The following TSGA10 variants were observed in gnomAD, a reference collection of about 807,000 sequenced individuals.
TSGA10 encodes testis-specific gene 10 protein.
Under a neutral mutation model 96.6 loss-of-function variants are expected in TSGA10, and 43 were observed. The observed-to-expected ratio is 0.44, with a 90% confidence interval of 0.35 to 0.57. TSGA10 has a LOEUF of 0.57. Ranked by LOEUF, TSGA10 falls within the 20% of genes least tolerant of loss-of-function variation. TSGA10 has a pLI of 0.01. For synonymous variants in TSGA10, 229 were observed against 269.9 expected, an observed-to-expected ratio of 0.85 and a Z score of 1.48; for missense variants, 703 against 834.4, an observed-to-expected ratio of 0.84 and a Z score of 1.94.
intron 16 of TSGA10, among the ~76,000 whole-genome samples, chr2:99,053,097 T>C (rs2083576407): frequency 6.6e-6 from 1 of 151,836 alleles, no homozygotes; most frequent in Non-Finnish European, 1.5e-5. Flanking sequence ...TTCCTGATAG[T>C]TAAGATTTAA....
rs531123919 is a variant in TSGA10, at chr2:99,015,288, C to A, written c.2072+2912G>T. ...CCAACAGCATATCAAAAAGATAATA[C>A]ACCATGACCAAGTGAGTTGCATACC... On this transcript the variant is annotated intron_variant, in intron 20 of 20. Coordinates refer to ENST00000393483, the MANE Select transcript of TSGA10 (RefSeq NM_025244.4). 4.5e-4 allele frequency among the ~76,000 whole-genome samples: 68 copies of A among 152,234 alleles called. No homozygotes were observed. In the South Asian group the frequency reaches 0.014, roughly 32 times the overall value.
chr2:99,047,438 G>A lies in TSGA10; in HGVS notation c.1405-11999C>T, dbSNP rs537986966. 2.0e-5 allele frequency among the ~76,000 whole-genome samples: 3 copies of A among 152,216 alleles called. No homozygotes were observed. The South Asian group carries it at 6.2e-4, about 32-fold the overall frequency. ...GTTCAACATATGCAAATCAATAAATGTAATCCATCACATAAACAGAACCAA... is the reference window on the plus strand; with the variant it reads ...GTTCAACATATGCAAATCAATAAATATAATCCATCACATAAACAGAACCAA... On this transcript the variant is annotated intron_variant, in intron 16 of 20. Transcript: ENST00000393483.
chr2:99,017,938 C>A (rs1389738764), intron 20 of TSGA10, among the ~76,000 whole-genome samples: 1 of 151,842 alleles, frequency 6.6e-6, no homozygotes, highest in Non-Finnish European at 1.5e-5. Context: ...AACAAAAAAC[C>A]ACCTGTTCCC....
At chr2:99,050,221 T>C (rs1272890583) in intron 16 of TSGA10, among the ~76,000 whole-genome samples, 2 of 152,088 alleles carry the variant, frequency 1.3e-5, no homozygotes, top group African/African-American at 4.8e-5. Flanking sequence ...ATTTTTCCTC[T>C]CAGGTTTTTA....
At chr2:99,072,212 T>C (rs956202775) in intron 13 of TSGA10, among the ~76,000 whole-genome samples, 1 of 152,178 alleles carries the variant, frequency 6.6e-6, no homozygotes, top group African/African-American at 2.4e-5. Flanking sequence ...ACTTAAAAAT[T>C]AATGCTTTTC....
intron 16 of TSGA10, among the ~76,000 whole-genome samples, chr2:99,037,135 A>G (rs948596105): frequency 1.3e-5 from 2 of 152,228 alleles, no homozygotes; most frequent in Non-Finnish European, 2.9e-5. Flanking sequence ...GAACAGCGTT[A>G]TCAATCAATT....
chr2:99,128,595 GACC>G (rs1266259952), intron 1 of TSGA10, among the ~76,000 whole-genome samples: 1 of 152,180 alleles, frequency 6.6e-6, no homozygotes, highest in Admixed American at 6.5e-5. Flanking sequence ...TTGGTACAGA[GACC>G]ACATGTTGAA....
intron 4 of TSGA10, among the ~76,000 whole-genome samples, chr2:99,115,964 A>G (rs2092230905): frequency 6.6e-6 from 1 of 152,200 alleles, no homozygotes; most frequent in Non-Finnish European, 1.5e-5. Flanking sequence ...ACTGCATAAA[A>G]ATACATACAA....
intron 1 of TSGA10, among the ~76,000 whole-genome samples, chr2:99,128,604 T>C (rs2092938289): frequency 6.6e-6 from 1 of 152,202 alleles, no homozygotes; most frequent in African/African-American, 2.4e-5. Flanking sequence ...AGACCACATG[T>C]TGAATCATGC....
Position 98,998,171 on chromosome 2 carries a change from A to T in TSGA10, c.*26T>A. 6.3e-7 allele frequency: 1 copy of T among 1,589,622 alleles called. No individual in the cohort carries two copies. Among genetic ancestry groups the T allele is most frequent in the African/African-American group, 1.4e-5 (1 of 73,608 alleles). On this transcript the variant is annotated 3_prime_UTR_variant, in exon 21 of 21. Transcript: ENST00000393483. ...TCAGTTTGTAACTTTGACCTTTCTC[A>T]GGGATGTGAAGAATCATTTCAGGTG...
Position 99,127,403 on chromosome 2 carries a change from T to C in TSGA10, c.-620-227A>G, listed in dbSNP as rs2092883457. On this transcript the variant is annotated intron_variant, in intron 1 of 20. Transcript: ENST00000393483. Reference sequence around the variant, plus strand: ...TGCTTTTCAAAGACATTCCCTACACTATCCTTTTGGTAATCATGGTTCTAC... The same window carrying C: ...TGCTTTTCAAAGACATTCCCTACACCATCCTTTTGGTAATCATGGTTCTAC... 7.2e-5 allele frequency among the ~76,000 whole-genome samples: 11 copies of C among 152,326 alleles called. No individual in the cohort carries two copies. The South Asian group carries it at 2.3e-3, about 32-fold the overall frequency.
intron 4 of TSGA10, among the ~76,000 whole-genome samples, chr2:99,116,093 G>T (rs969059400): frequency 6.6e-6 from 1 of 152,136 alleles, no homozygotes; most frequent in South Asian, 2.1e-4. Flanking sequence ...TACATTAAAA[G>T]AATGTTTAAG....
At chr2:99,116,639 G>A (rs962067735) in intron 4 of TSGA10, among the ~76,000 whole-genome samples, 1 of 151,086 alleles carries the variant, frequency 6.6e-6, no homozygotes, top group East Asian at 1.9e-4. Flanking sequence ...TGTAGTTCTT[G>A]AGGTGAAAAA....
At chr2:99,080,936 A>C (rs928733728) in intron 11 of TSGA10, among the ~76,000 whole-genome samples, 18 of 152,148 alleles carry the variant, frequency 1.2e-4, no homozygotes, top group Admixed American at 3.9e-4. Flanking sequence ...TACACTTTCC[A>C]CCAAAAGTAA....
chr2:99,071,867 T>G lies in TSGA10; in HGVS notation c.946A>C (p.Thr316Pro). 1 of 1,612,488 alleles carries G rather than the reference T, an allele frequency of 6.2e-7. No individual in the cohort carries two copies. Among genetic ancestry groups the G allele is most frequent in the East Asian group, 2.2e-5 (1 of 44,854 alleles). ...TGTTCACACACAATTAGGGCCTCAG[T>G]ACACTGTCTATTCCACAAATCAAAG... is the stretch of plus-strand genomic sequence containing the variant. The part of the protein sequence containing the change: ...AEMEQASRQC[T>P]EALIVCEQDV... The change falls in exon 14 of 21, where the codon ACT (threonine) becomes CCT (proline). Residue 316 changes from threonine (T) to proline (P), a missense_variant. Coordinates refer to ENST00000393483, the MANE Select transcript of TSGA10 (RefSeq NM_025244.4).
intron 11 of TSGA10, 132 bp downstream of exon 11, chr2:99,081,150 C>T (rs2087427961): frequency 2.4e-6 from 1 of 423,500 alleles, no homozygotes; most frequent in Non-Finnish European, 4.2e-6. Flanking sequence ...AATTTCTCTA[C>T]TATTTTTTAT....
chr2:99,121,392 T>C (rs1410800133), intron 2 of TSGA10, among the ~76,000 whole-genome samples: 3 of 2,018 alleles, frequency 1.5e-3, no homozygotes, highest in Non-Finnish European at 2.4e-3. Context: ...TTAATTTGCA[T>C]TCCCCTGATG....
At chr2:99,139,839 T>A (rs1206387027) in intron 1 of TSGA10, among the ~76,000 whole-genome samples, 1 of 151,934 alleles carries the variant, frequency 6.6e-6, no homozygotes, top group Non-Finnish European at 1.5e-5. Context: ...TTAAGGAAAA[T>A]CAAGGAAGTG....
intron 10 of TSGA10, among the ~76,000 whole-genome samples, chr2:99,091,047 G>A (rs2089262102): frequency 6.6e-6 from 1 of 152,114 alleles, no homozygotes; most frequent in South Asian, 2.1e-4. Context: ...ACCTATAAAG[G>A]AAAACCTTTC....
Sources: gnomAD v4.1 joint callset for allele counts (sites outside exome capture counted in the v4.1 genomes callset) on GRCh38, gnomAD v4.1.1 for gene constraint, MANE v1.5 for transcripts, NCBI Gene and HGNC (gene_info 2026-07-23, HGNC 2026-07-21) for gene names.